Variants in SEC23A observed in about 807,000 individuals in gnomAD.
SEC23A encodes the protein SEC23 homolog A, COPII component.
A neutral mutation model predicts 103.7 loss-of-function variants in SEC23A; 56 were observed. That is an observed-to-expected ratio of 0.54 (90% CI 0.44 to 0.67). The LOEUF (loss-of-function observed/expected upper bound fraction) is 0.67. Among genes scored for constraint, SEC23A ranks in the 30% least tolerant of loss-of-function variants. The pLI, the probability that SEC23A is intolerant of heterozygous loss-of-function variation, is 0.00. For synonymous variants in SEC23A, 281 were observed against 293.0 expected (o/e 0.96, Z 0.42); for missense variants, 784 against 936.4 (o/e 0.84, Z 2.12).
intron 8 of SEC23A, 72 bp downstream of exon 8, chr14:39,075,863 T>C (rs1428805804): frequency 1.5e-6 from 2 of 1,292,318 alleles, no homozygotes; most frequent in Admixed American, 3.5e-5. Flanking sequence ...AAAAACTATT[T>C]GTATTCTTCT....
intron 9 of SEC23A, among the ~76,000 whole-genome samples, chr14:39,070,407 AC>A (rs1451150703): frequency 6.6e-6 from 1 of 152,206 alleles, no homozygotes; most frequent in Admixed American, 6.5e-5. Context: ...TGATGCCAAC[AC>A]CAAACAAAAG....
intron 6 of SEC23A, 101 bp from the exon 7 acceptor site, chr14:39,086,007 A>T (rs1887431075): frequency 2.9e-6 from 3 of 1,030,308 alleles, no homozygotes; most frequent in Middle Eastern, 2.9e-4. Context: ...AACACTCTGA[A>T]CACACAGCAG....
chr14:39,061,744 T>A (rs1371864970), intron 13 of SEC23A, 21 bp downstream of exon 13: 1 of 1,547,922 alleles, frequency 6.5e-7, no homozygotes, highest in Non-Finnish European at 8.9e-7. Context: ...GAAAATCAAA[T>A]CTCTAACAAA....
intron 7 of SEC23A, among the ~76,000 whole-genome samples, chr14:39,076,854 G>A (rs542270019): frequency 2.6e-5 from 4 of 151,674 alleles, no homozygotes; most frequent in Admixed American, 6.6e-5. Flanking sequence ...TTGAACGCGG[G>A]AGGTGGAGGT....
At chr14:39,071,766 A>C (rs1486140775) in intron 9 of SEC23A, among the ~76,000 whole-genome samples, 2 of 151,824 alleles carry the variant, frequency 1.3e-5, no homozygotes, top group Non-Finnish European at 2.9e-5. Context: ...ACTTGGGCTG[A>C]GGCAGGAGAA....
In SEC23A at chr14:39,042,891, T is replaced by A. The variant is rs761996875; in HGVS notation, c.1900-19A>T. On this transcript the variant is annotated intron_variant, in intron 16 of 19. Coordinates refer to ENST00000307712, the MANE Select transcript of SEC23A (RefSeq NM_006364.4). ...GAACCGGCTAACGTAAAGAAAACAA[T>A]GAGAAATGAGGAAAAAGGAAAAATA... 6.5e-7 allele frequency: 1 copy of A among 1,534,574 alleles called. No homozygotes were observed. Among genetic ancestry groups the A allele is most frequent in the Admixed American group, 1.7e-5 (1 of 59,840 alleles).
At chr14:39,071,883 G>C (rs796864043) in intron 9 of SEC23A, among the ~76,000 whole-genome samples, 1 of 151,948 alleles carries the variant, frequency 6.6e-6, no homozygotes, top group African/African-American at 2.4e-5. Flanking sequence ...GAAAGAAAAA[G>C]CATGAAATAG....
At chr14:39,085,188 A>G (rs1413873426) in intron 7 of SEC23A, among the ~76,000 whole-genome samples, 1 of 152,228 alleles carries the variant, frequency 6.6e-6, no homozygotes. Flanking sequence ...GCTTCCAGAC[A>G]AATGAATATG....
intron 7 of SEC23A, among the ~76,000 whole-genome samples, chr14:39,080,649 G>A (rs1024877421): frequency 1.3e-5 from 2 of 152,108 alleles, no homozygotes; most frequent in African/African-American, 2.4e-5. Context: ...CAGGTAATCC[G>A]CCTGCCTCGG....
At chr14:39,094,517 C>A (rs1294775810) in intron 2 of SEC23A, among the ~76,000 whole-genome samples, 1 of 146,476 alleles carries the variant, frequency 6.8e-6, no homozygotes, top group African/African-American at 2.5e-5. Context: ...CCCACCTTGG[C>A]CTCCCAAAGC....
chr14:39,072,941 C>T (rs1418301596), intron 9 of SEC23A, among the ~76,000 whole-genome samples: 1 of 152,142 alleles, frequency 6.6e-6, no homozygotes, highest in Non-Finnish European at 1.5e-5. Context: ...GACAGTTCCT[C>T]AAAATGTTAA....
At chr14:39,095,484 G>A (rs1289053214) in intron 2 of SEC23A, among the ~76,000 whole-genome samples, 1 of 152,034 alleles carries the variant, frequency 6.6e-6, no homozygotes, top group African/African-American at 2.4e-5. Flanking sequence ...TTTTAGTAGA[G>A]ACGGGGTTCC....
At chr14:39,096,261 T>C in intron 1 of SEC23A, 122 bp from the exon 2 acceptor site, 2 of 696,608 alleles carry the variant, frequency 2.9e-6, no homozygotes, top group South Asian at 3.5e-5. Context: ...CTGGGCCCCG[T>C]GGCTCACGCC....
intron 9 of SEC23A, among the ~76,000 whole-genome samples, chr14:39,073,588 C>G (rs1421118322): frequency 6.7e-6 from 1 of 150,048 alleles, no homozygotes; most frequent in Non-Finnish European, 1.5e-5. Context: ...GCCACGGTGC[C>G]CGGCTCTGAT....
At chr14:39,074,606 G>A in intron 8 of SEC23A, 76 bp from the exon 9 acceptor site, 1 of 772,076 alleles carries the variant, frequency 1.3e-6, no homozygotes. Flanking sequence ...AGATCAAAAT[G>A]ATCTAAGGAC....
chr14:39,090,830 G>GT (rs1199914516), intron 5 of SEC23A: 2 of 208,438 alleles, frequency 9.6e-6, no homozygotes, highest in African/African-American at 4.8e-5. Context: ...GACCATCACA[G>GT]TGGATTAGAT....
chr14:39,075,093 C>T (rs1160406122), intron 8 of SEC23A, among the ~76,000 whole-genome samples: 2 of 151,788 alleles, frequency 1.3e-5, no homozygotes, highest in Middle Eastern at 3.4e-3. Flanking sequence ...GGCAACAGAG[C>T]GAGACTTTGC....
In SEC23A at chr14:39,093,130, G is replaced by C. The variant is rs981792893; in HGVS notation, c.279+57C>G. ...GATCCACCCGCCTCGGCCTCCCAAA[G>C]TGCTGGGATTACAGGCATGAGCCAC... On this transcript the variant is annotated intron_variant, in intron 3 of 19. Transcript: ENST00000307712. 9 of 1,434,944 alleles carry C rather than the reference G, an allele frequency of 6.3e-6. No individual in the cohort carries two copies. The African/African-American group carries it at 8.4e-5, about 13-fold the overall frequency. The allele number at this position is 1,434,944 out of a possible 1,614,324, so 88.9% of individuals were successfully genotyped here. A position where few individuals can be genotyped will look rare whatever the true frequency, so the allele number is the denominator to read the frequency against.
chr14:39,061,979 TAGA>T (rs1481975924), intron 12 of SEC23A, 108 bp from the exon 13 acceptor site: 3 of 757,550 alleles, frequency 4.0e-6, no homozygotes, highest in East Asian at 2.6e-5. Flanking sequence ...TAAAATTGAT[TAGA>T]AGGATACTTA....
Sources: allele counts gnomAD v4.1 joint callset (sites outside exome capture counted in the v4.1 genomes callset), GRCh38; gene constraint gnomAD v4.1.1; transcripts MANE v1.5; gene names NCBI Gene and HGNC (gene_info 2026-07-23, HGNC 2026-07-21).